LETMD1: variants seen among roughly 807,000 people sequenced by gnomAD.
LETMD1 encodes the protein LETM1 domain containing 1.
Under a neutral mutation model 43.9 loss-of-function variants are expected in LETMD1, and 30 were observed. That is an observed-to-expected ratio of 0.68 (90% confidence interval 0.51 to 0.93). The LOEUF (loss-of-function observed/expected upper bound fraction) is 0.93. Among genes scored for constraint, LETMD1 ranks in the 40% least tolerant of loss-of-function variants. LETMD1 has a pLI of 0.00. For synonymous variants in LETMD1, 176 were observed against 163.1 expected (o/e 1.08, Z -0.60); for missense variants, 413 against 447.7 (o/e 0.92, Z 0.70).
intron 8 of LETMD1, chr12:51,058,933 G>C: frequency 5.0e-6 from 1 of 199,248 alleles, no homozygotes; most frequent in Admixed American, 5.3e-5. Flanking sequence ...ACAGTCTGCT[G>C]ACCAAACACA....
intron 8 of LETMD1, chr12:51,058,845 C>G (rs949903084): frequency 6.0e-6 from 1 of 167,778 alleles, no homozygotes; most frequent in African/African-American, 2.4e-5. Context: ...GCCAAATGTC[C>G]TAGGGGTGGG....
chr12:51,064,063 C>T (rs555092432), downstream of LETMD1: 1 of 1,614,208 alleles, frequency 6.2e-7, no homozygotes, highest in Admixed American at 1.7e-5. Flanking sequence ...GAGGCTGAGC[C>T]TTCTTCCGTA....
At chr12:51,052,429 C>T (rs1946426905) in intron 3 of LETMD1, 4 of 498,334 alleles carry the variant, frequency 8.0e-6, no homozygotes, top group African/African-American at 5.9e-5. Context: ...GAATTTCTGG[C>T]ACACTTTCTG....
chr12:51,049,258 T>A (rs1382229679), intron 2 of LETMD1, 73 bp downstream of exon 2: 1 of 1,360,498 alleles, frequency 7.4e-7, no homozygotes, highest in East Asian at 2.3e-5. Context: ...ATAAATAAGA[T>A]CATTTGCAGG....
chr12:51,048,326 C>T (rs1944884555), upstream of LETMD1: 3 of 1,613,784 alleles, frequency 1.9e-6, no homozygotes, highest in South Asian at 3.3e-5. Context: ...CCAAAGACAA[C>T]CTCTTCTCTC....
At chr12:51,064,688 G>A (rs373134162), downstream of LETMD1, 16 of 1,500,628 alleles carry the variant, frequency 1.1e-5, no homozygotes, top group African/African-American at 2.0e-4. Flanking sequence ...GGACAAGAAG[G>A]TTGGGGCAAG....
rs117250563 is a variant in LETMD1 at position 51,049,679 on chromosome 12, C to T, written c.274+494C>T. Among the ~76,000 whole-genome samples the T allele has an allele frequency of 5.3e-4, 80 of 152,284 alleles. No homozygotes were observed. In the East Asian group the frequency reaches 0.015, roughly 28 times the overall value. On this transcript the variant is annotated intron_variant, in intron 2 of 8. Coordinates refer to ENST00000262055, the MANE Select transcript of LETMD1 (RefSeq NM_015416.5). ...TTAGTTACTAGGAGAAGATATGTAT[C>T]GTGTCAAGTGTCTACTCTGGAGCCA...
At chr12:51,060,718 C>T (rs140126675), downstream of LETMD1, among the ~76,000 whole-genome samples, 1,202 of 152,090 alleles carry the variant, frequency 7.9e-3, 8 homozygotes, top group Non-Finnish European at 0.013. Flanking sequence ...CTGGCTAACA[C>T]GGTGAAACCC....
At chr12:51,058,994 T>G (rs1592713076) in intron 8 of LETMD1, 1 of 293,870 alleles carries the variant, frequency 3.4e-6, no homozygotes, top group East Asian at 8.2e-5. Context: ...TTAGGCTAGG[T>G]CTTGATGTTT....
rs1948568914 is a variant in LETMD1 at position 51,059,223 on chromosome 12, AG to A, written c.1013-134del. 6 of 674,838 alleles carry A rather than the reference AG, an allele frequency of 8.9e-6. 1 individual carries two copies. The highest frequency in any genetic ancestry group is 8.0e-6 in the Non-Finnish European group (3 of 373,484). 41.8% of individuals were successfully genotyped at this position (674,838 alleles called of 1,614,324 possible). On this transcript the variant is annotated intron_variant, in intron 8 of 8. Transcript: ENST00000262055. ...ATGCATACAGGGGCTGAAACAAAGA[AG>A]GGGAACTTTGAGAAAAACAGCTTCT...
chr12:51,059,450 GGCATTGTCCT>G lies in LETMD1; in HGVS notation c.*23_*32del, dbSNP rs1592718805. On this transcript the variant is annotated 3_prime_UTR_variant, in exon 9 of 9. Transcript: ENST00000262055. Reference sequence around the variant, plus strand: ...GCGCTGAATGAACCATGGAGCGGATGGCATTGTCCTGCAGTCGTATAGTATAGCAGTGCAG... The same window carrying G: ...GCGCTGAATGAACCATGGAGCGGATGGCAGTCGTATAGTATAGCAGTGCAG... 1.2e-6 allele frequency: 2 copies of G among 1,609,928 alleles called. No individual in the cohort carries two copies. Among genetic ancestry groups the G allele is most frequent in the Non-Finnish European group, 1.7e-6 (2 of 1,176,132 alleles).
intron 2 of LETMD1, among the ~76,000 whole-genome samples, chr12:51,051,778 T>G (rs1946230857): frequency 6.6e-6 from 1 of 152,186 alleles, no homozygotes; most frequent in African/African-American, 2.4e-5. Flanking sequence ...TAGGGTTAAT[T>G]TAGCAAGACT....
chr12:51,057,907 G>A (rs750998556), intron 7 of LETMD1, 125 bp from the exon 8 acceptor site: 9 of 778,558 alleles, frequency 1.2e-5, no homozygotes, highest in Non-Finnish European at 2.0e-5. Context: ...TTACAGGCAC[G>A]AGCCACCGTG....
chr12:51,052,163 A>G lies in LETMD1; in HGVS notation c.346A>G (p.Lys116Glu). The change falls in exon 3 of 9, where the codon AAG (lysine) becomes GAG (glutamate). Residue 116 changes from lysine to glutamate, a missense_variant. Lys to Glu is a moderately conservative substitution (Grantham distance 56). Transcript: ENST00000262055. ...IKTNMWKHNI[K>E]FHQLPYREME... ...GACAAATATGTGGAAGCACAATATA[A>G]AGTTTCATCAACTTCCATACCGGGA... 1 of 1,614,076 alleles carries G rather than the reference A, an allele frequency of 6.2e-7. No individual in the cohort carries two copies. Among genetic ancestry groups the G allele is most frequent in the Non-Finnish European group, 8.5e-7 (1 of 1,179,874 alleles).
At position 51,055,843 on chromosome 12, in the gene LETMD1, T is replaced by G. The variant is rs1947532951; in HGVS notation, c.482T>G (p.Phe161Cys). The change falls in exon 5 of 9, where the codon TTT (phenylalanine) becomes TGT (cysteine). Residue 161 changes from phenylalanine to cysteine, a missense_variant. Transcript: ENST00000262055. ...ATTCTTTCTCCTTTCAGGTACCTGT[T>G]TCCCAGGCAACTACTGATCAGGCAT... ...NYLVFLLMYL[F>C]PRQLLIRHFW... The G allele has an allele frequency of 6.3e-7, 1 of 1,598,642 alleles. No individual in the cohort carries two copies. The highest frequency in any genetic ancestry group is 8.5e-7 in the Non-Finnish European group (1 of 1,172,474).
the LETMD1 span, among the ~76,000 whole-genome samples, chr12:51,066,410 G>A: frequency 5.7e-4 from 86 of 149,580 alleles, no homozygotes; most frequent in African/African-American, 1.9e-3. Context: ...CCGAGATCAC[G>A]CGCTACGGCA....
intron 4 of LETMD1, among the ~76,000 whole-genome samples, chr12:51,054,408 G>T (rs544888459): frequency 6.6e-6 from 1 of 152,306 alleles, no homozygotes; most frequent in South Asian, 2.1e-4. Flanking sequence ...ATATAGGGTT[G>T]ACAGAGGTCC....
intron 1 of LETMD1, chr12:51,048,696 C>T: frequency 1.6e-6 from 1 of 632,834 alleles, no homozygotes; most frequent in Admixed American, 3.0e-5. Context: ...CCCCGCGTGT[C>T]CTGAGCTCAT....
intron 3 of LETMD1, among the ~76,000 whole-genome samples, chr12:51,053,247 T>C (rs1205650869): frequency 6.6e-6 from 1 of 152,138 alleles, no homozygotes; most frequent in Non-Finnish European, 1.5e-5. Context: ...CACTGAAGGA[T>C]TTGGTATAAT....
Sources: allele counts gnomAD v4.1 joint callset (sites outside exome capture counted in the v4.1 genomes callset), GRCh38; gene constraint gnomAD v4.1.1; transcripts MANE v1.5; gene names NCBI Gene and HGNC (gene_info 2026-07-23, HGNC 2026-07-21).